The following PTP4A2 variants were observed in gnomAD, a reference collection of about 807,000 sequenced individuals.
PTP4A2 encodes protein tyrosine phosphatase type IVA 2.
PTP4A2 carries 2 observed loss-of-function variants against 22.9 expected under a neutral mutation model. That is an observed-to-expected ratio of 0.09 (90% confidence interval 0.04 to 0.27). The LOEUF (loss-of-function observed/expected upper bound fraction) is 0.27, where lower values mean the gene tolerates loss of function less well. Ranked by LOEUF, PTP4A2 falls within the 10% of genes least tolerant of loss-of-function variation. The pLI is 1.00. For synonymous variants in PTP4A2, 68 were observed against 69.1 expected (o/e 0.98, Z 0.08); for missense variants, 103 against 205.1 (o/e 0.50, Z 3.04).
chr1:31,908,816 T>C lies in PTP4A2; in HGVS notation c.*36A>G, dbSNP rs370929116. Reference sequence around the variant, plus strand: ...CCAGGTACCAAGAGTTCCCTCTAAATGGCACAATCAAGTCAGCCTTCGTTT... The same window carrying C: ...CCAGGTACCAAGAGTTCCCTCTAAACGGCACAATCAAGTCAGCCTTCGTTT... On this transcript the variant is annotated 3_prime_UTR_variant, in exon 6 of 6. Transcript: ENST00000647444. The C allele has an allele frequency of 6.8e-7, 1 of 1,467,578 alleles. No homozygotes were observed. The highest frequency in any genetic ancestry group is 1.4e-5 in the African/African-American group (1 of 71,780). 90.9% of individuals were successfully genotyped at this position (1,467,578 alleles called of 1,614,324 possible). A position where few individuals can be genotyped will look rare whatever the true frequency, so the allele number is the denominator to read the frequency against.
chr1:31,932,792 C>G (rs1350771305), intron 1 of PTP4A2: 2 of 152,154 alleles, frequency 1.3e-5, no homozygotes, highest in Non-Finnish European at 2.9e-5. Context: ...AGACCTCTAC[C>G]ACTCCAAAGA....
At chr1:31,926,245 A>C (rs1652459005) in intron 1 of PTP4A2, among the ~76,000 whole-genome samples, 1 of 151,348 alleles carries the variant, frequency 6.6e-6, no homozygotes, top group Non-Finnish European at 1.5e-5. Context: ...TAAATGATAC[A>C]ATAAACCCTC....
intron 1 of PTP4A2, among the ~76,000 whole-genome samples, chr1:31,928,310 G>A (rs1652566841): frequency 6.7e-6 from 1 of 150,022 alleles, no homozygotes; most frequent in African/African-American, 2.4e-5. Context: ...TACAGTCCTA[G>A]GAAGGTGATA....
intron 1 of PTP4A2, among the ~76,000 whole-genome samples, chr1:31,928,116 C>T (rs1465640011): frequency 1.3e-5 from 2 of 149,414 alleles, no homozygotes; most frequent in African/African-American, 4.9e-5. Context: ...TTCCATTTAT[C>T]AAACTAAAAT....
chr1:31,919,188 A>G lies in PTP4A2; in HGVS notation c.-123T>C. 1 of 541,072 alleles carries G rather than the reference A, an allele frequency of 1.8e-6. No homozygotes were observed. The highest frequency in any genetic ancestry group is 3.3e-6 in the Non-Finnish European group (1 of 301,484). 33.5% of individuals were successfully genotyped at this position (541,072 alleles called of 1,614,324 possible). ...TAAAAAGACCACTAAAATGCCTATT[A>G]TCAATCAGTGTTTTCTCTATTCAAC... On this transcript the variant is annotated 5_prime_UTR_variant, in exon 2 of 6. Transcript: ENST00000647444.
In PTP4A2 at chr1:31,918,988, A is replaced by G. The variant is rs200698538; in HGVS notation, c.78T>C (p.Thr26=). Reference sequence around the variant, plus strand: ...ATCTTACCTCTGTGAACTTGTTGAGAGTAGCATTGGTAGGGTTGTGAGTTA... The same window carrying G: ...ATCTTACCTCTGTGAACTTGTTGAGGGTAGCATTGGTAGGGTTGTGAGTTA... ...FLITHNPTNA[T]LNKFTEELKK... The change falls in exon 2 of 6, where the codon ACT becomes ACC. Residue 26 remains threonine (T), a synonymous_variant. Coordinates refer to ENST00000647444, the MANE Select transcript of PTP4A2 (RefSeq NM_080391.4). The G allele has an allele frequency of 2.5e-6, 4 of 1,589,972 alleles. No homozygotes were observed. Among genetic ancestry groups the G allele is most frequent in the Non-Finnish European group, 3.5e-6 (4 of 1,158,152 alleles).
intron 1 of PTP4A2, among the ~76,000 whole-genome samples, chr1:31,929,113 G>C (rs1307303658): frequency 3.3e-5 from 5 of 151,988 alleles, no homozygotes; most frequent in Admixed American, 6.6e-5. Context: ...AATATTTTCA[G>C]GCCACACTTA....
chr1:31,915,988 C>A lies in PTP4A2; in HGVS notation c.97-1G>T. Reference sequence around the variant, plus strand: ...TCGTCACTCCATACTTCTTAAGTTCCTTTAAAAAAAAAAAAAATTATAATG... The same window carrying A: ...TCGTCACTCCATACTTCTTAAGTTCATTTAAAAAAAAAAAAAATTATAATG... On this transcript the variant is annotated splice_acceptor_variant, in intron 2 of 5. Transcript: ENST00000647444. LOFTEE classifies it high-confidence loss of function. 6.5e-7 allele frequency: 1 copy of A among 1,541,642 alleles called. No homozygotes were observed. Among genetic ancestry groups the A allele is most frequent in the African/African-American group, 1.4e-5 (1 of 70,548 alleles).
chr1:31,922,747 G>C (rs995337742), intron 1 of PTP4A2, among the ~76,000 whole-genome samples: 2 of 151,544 alleles, frequency 1.3e-5, no homozygotes, highest in Non-Finnish European at 1.5e-5. Context: ...CCCACCTCAG[G>C]CTCCTGAGGA....
intron 1 of PTP4A2, 116 bp downstream of exon 1, chr1:31,937,871 C>CGGCGGCGG (rs1653015679): frequency 6.6e-6 from 1 of 151,176 alleles, no homozygotes; most frequent in African/African-American, 2.4e-5. Flanking sequence ...CCCGGCCCGG[C>CGGCGGCGG]CCTCCTTCCG....
chr1:31,931,621 T>C (rs1399938102), intron 1 of PTP4A2, among the ~76,000 whole-genome samples: 4 of 152,230 alleles, frequency 2.6e-5, no homozygotes, highest in Non-Finnish European at 5.9e-5. Flanking sequence ...TACCTGTTGA[T>C]GACCTCCAAA....
At chr1:31,936,952 T>G (rs1652961856) in intron 1 of PTP4A2, among the ~76,000 whole-genome samples, 1 of 152,178 alleles carries the variant, frequency 6.6e-6, no homozygotes, top group Non-Finnish European at 1.5e-5. Context: ...ACACTAGAAT[T>G]GCTAGTCACT....
intron 2 of PTP4A2, among the ~76,000 whole-genome samples, chr1:31,918,093 C>T (rs1651948627): frequency 1.3e-5 from 2 of 150,812 alleles, no homozygotes; most frequent in African/African-American, 4.9e-5. Flanking sequence ...ACTAGAAATA[C>T]AAAAAATTAG....
At chr1:31,917,834 T>G (rs575408594) in intron 2 of PTP4A2, among the ~76,000 whole-genome samples, 1 of 141,980 alleles carries the variant, frequency 7.0e-6, no homozygotes, top group Admixed American at 7.1e-5. Flanking sequence ...ATTAGCTGGG[T>G]GTGGTGGCGC....
At chr1:31,910,182 TGCATATTA>T in intron 4 of PTP4A2, 70 bp from the exon 5 acceptor site, 1 of 1,181,006 alleles carries the variant, frequency 8.5e-7, no homozygotes, top group Non-Finnish European at 1.3e-6. Flanking sequence ...AACCTGTAAC[TGCATATTA>T]CCAATGCAAC....
chr1:31,933,157 A>T (rs571604136), intron 1 of PTP4A2: 2 of 152,310 alleles, frequency 1.3e-5, no homozygotes, highest in Non-Finnish European at 2.9e-5. Context: ...TCATACCACT[A>T]TGCCTGGCTA....
intron 4 of PTP4A2, 86 bp downstream of exon 4, chr1:31,911,610 G>A: frequency 7.9e-7 from 1 of 1,271,960 alleles, no homozygotes. Flanking sequence ...TATAATATAT[G>A]CAAATGTCTA....
At chr1:31,912,687 C>T (rs1406950287) in intron 3 of PTP4A2, among the ~76,000 whole-genome samples, 1 of 152,086 alleles carries the variant, frequency 6.6e-6, no homozygotes. Context: ...CTCCTGCCAT[C>T]TAAGCTTCAA....
At chr1:31,926,149 A>AAAAAATATATATATATATATAT (rs59088489) in intron 1 of PTP4A2, among the ~76,000 whole-genome samples, 1 of 131,340 alleles carries the variant, frequency 7.6e-6, no homozygotes, top group Non-Finnish European at 1.6e-5. Flanking sequence ...AAAAAAAAAA[A>AAAAAATATATATATATATATAT]ATATATATAT....
Sources: allele counts gnomAD v4.1 joint callset (sites outside exome capture counted in the v4.1 genomes callset), GRCh38; gene constraint gnomAD v4.1.1; transcripts MANE v1.5; gene names NCBI Gene and HGNC (gene_info 2026-07-23, HGNC 2026-07-21).